Variants in SPIN1 observed in about 807,000 individuals in gnomAD.
SPIN1 encodes spindlin 1.
In SPIN1, 3 loss-of-function variants were observed where a neutral mutation model predicts 26.0. That is an observed-to-expected ratio of 0.12 (90% CI 0.05 to 0.30). The LOEUF is 0.30. Ranked by LOEUF, SPIN1 falls within the 10% of genes least tolerant of loss-of-function variation. SPIN1 has a pLI of 1.00. For synonymous variants in SPIN1, 101 were observed against 116.5 expected, an observed-to-expected ratio of 0.87 and a Z score of 0.86; for missense variants, 126 against 333.4, an observed-to-expected ratio of 0.38 and a Z score of 4.84.
intron 5 of SPIN1, among the ~76,000 whole-genome samples, chr9:88,471,855 C>G (rs753525548): frequency 6.6e-6 from 1 of 151,378 alleles, no homozygotes; most frequent in Non-Finnish European, 1.5e-5. Context: ...TTTTTTGAGA[C>G]AGTCGCACTC....
Position 88,411,194 on chromosome 9 carries a change from A to G in SPIN1, c.-158-15188A>G, listed in dbSNP as rs1827435742. The G allele has an allele frequency of 5.4e-6, 7 of 1,292,758 alleles. No homozygotes were observed. In the East Asian group the frequency reaches 1.4e-4, roughly 25 times the overall value. The allele number at this position is 1,292,758 out of a possible 1,614,324, so 80.1% of individuals were successfully genotyped here. A position where few individuals can be genotyped will look rare whatever the true frequency, so the allele number is the denominator to read the frequency against. On this transcript the variant is annotated intron_variant, in intron 1 of 5. Transcript: ENST00000375859. ...TGGTCTTTAAGAATCTTCTGTTGAG[A>G]CAGCTCTCTTTGGTTCCACAAGTCT...
At chr9:88,435,899 A>G (rs1272253129) in intron 2 of SPIN1, among the ~76,000 whole-genome samples, 2 of 152,034 alleles carry the variant, frequency 1.3e-5, no homozygotes, top group Admixed American at 1.3e-4. Flanking sequence ...CTATGTGTTT[A>G]TGTTGCTTTT....
At chr9:88,470,213 C>G (rs1280622678) in intron 5 of SPIN1, among the ~76,000 whole-genome samples, 1 of 152,192 alleles carries the variant, frequency 6.6e-6, no homozygotes, top group African/African-American at 2.4e-5. Context: ...AGCCATTCAT[C>G]CAGTAAAGCA....
At chr9:88,438,066 A>C (rs192234226) in intron 2 of SPIN1, among the ~76,000 whole-genome samples, 1 of 151,904 alleles carries the variant, frequency 6.6e-6, no homozygotes, top group Admixed American at 6.6e-5. Context: ...AAGGAGAATC[A>C]CTTGAATCTG....
At position 88,424,828 on chromosome 9, in the gene SPIN1, A is replaced by G. The variant is rs1197271865; in HGVS notation, c.-158-1554A>G. Among the ~76,000 whole-genome samples the G allele has an allele frequency of 2.0e-5, 3 of 152,192 alleles. No homozygotes were observed. In the East Asian group the frequency reaches 5.8e-4, roughly 29 times the overall value. On this transcript the variant is annotated intron_variant, in intron 1 of 5. Transcript: ENST00000375859. ...AAGAGCCAGGCGGGAGGTTGAATGGATCATATGTGTGGATGTTGAGGATGT... is the reference window on the plus strand; with the variant it reads ...AAGAGCCAGGCGGGAGGTTGAATGGGTCATATGTGTGGATGTTGAGGATGT...
At chr9:88,429,142 C>T (rs1827816227) in intron 2 of SPIN1, among the ~76,000 whole-genome samples, 1 of 152,142 alleles carries the variant, frequency 6.6e-6, no homozygotes, top group South Asian at 2.1e-4. Context: ...GTTGGGATTA[C>T]ACTTAATGAG....
chr9:88,457,989 T>C, intron 3 of SPIN1: 4 of 985,144 alleles, frequency 4.1e-6, no homozygotes, highest in Middle Eastern at 5.2e-4. Context: ...TTTCTTTTAC[T>C]AAGGATTTTT....
At chr9:88,455,827 A>G (rs1231000094) in intron 3 of SPIN1, among the ~76,000 whole-genome samples, 1 of 152,144 alleles carries the variant, frequency 6.6e-6, no homozygotes, top group Non-Finnish European at 1.5e-5. Context: ...AAAATTAAAC[A>G]TTAGCTAGGC....
chr9:88,422,192 T>A (rs1827682950), intron 1 of SPIN1, among the ~76,000 whole-genome samples: 1 of 152,222 alleles, frequency 6.6e-6, no homozygotes, highest in Non-Finnish European at 1.5e-5. Flanking sequence ...TTGATGGGTC[T>A]CTCTGAATGC....
intron 2 of SPIN1, among the ~76,000 whole-genome samples, chr9:88,427,995 T>C (rs1827795797): frequency 6.6e-6 from 1 of 152,200 alleles, no homozygotes; most frequent in Non-Finnish European, 1.5e-5. Flanking sequence ...AATAGTGTTA[T>C]TATTGATCAT....
rs113104903 is a variant in SPIN1, at chr9:88,396,595, C to G, written c.-159+8057C>G. Among the ~76,000 whole-genome samples the G allele has an allele frequency of 7.1e-3, 1,079 of 152,172 alleles. 11 individuals are homozygous for G. Among genetic ancestry groups the G allele is most frequent in the African/African-American group, 0.024 (1,004 of 41,544 alleles). ...CCAGACTGGGCAACAGAGTGAGACT[C>G]CGTCTCAGAAAACAAAACAGAAAAA... On this transcript the variant is annotated intron_variant, in intron 1 of 5. Transcript: ENST00000375859.
chr9:88,408,376 C>CTTTTTT (rs1177261349), intron 1 of SPIN1, among the ~76,000 whole-genome samples: 6 of 115,430 alleles, frequency 5.2e-5, no homozygotes, highest in East Asian at 2.4e-4. Context: ...TCCTTTTTTT[C>CTTTTTT]TTTTTTTTTT....
At chr9:88,463,699 C>G (rs1195203900) in intron 4 of SPIN1, among the ~76,000 whole-genome samples, 1 of 152,076 alleles carries the variant, frequency 6.6e-6, no homozygotes, top group African/African-American at 2.4e-5. Flanking sequence ...ATGCTAAATC[C>G]TTGCTCATCT....
At chr9:88,397,736 CTCAG>C (rs904778696) in intron 1 of SPIN1, among the ~76,000 whole-genome samples, 7 of 152,056 alleles carry the variant, frequency 4.6e-5, no homozygotes, top group Admixed American at 2.6e-4. Flanking sequence ...ATTCTCACTC[CTCAG>C]TCTCCCAAGT....
chr9:88,448,419 A>G (rs192681585), intron 2 of SPIN1, among the ~76,000 whole-genome samples: 1 of 151,650 alleles, frequency 6.6e-6, no homozygotes. Flanking sequence ...TGGCACAAAC[A>G]CAGCTCACTG....
At position 88,410,437 on chromosome 9, in the gene SPIN1, A is replaced by C. The variant is rs548687504; in HGVS notation, c.-158-15945A>C. 1.9e-4 allele frequency: 122 copies of C among 643,454 alleles called. No individual in the cohort carries two copies. The African/African-American group carries it at 2.0e-3, about 11-fold the overall frequency. 39.9% of individuals were successfully genotyped at this position (643,454 alleles called of 1,614,324 possible). On this transcript the variant is annotated intron_variant, in intron 1 of 5. Coordinates refer to ENST00000375859, the MANE Select transcript of SPIN1 (RefSeq NM_006717.3). ...TTTGTAGCATCTAGGCCCTGCCACC[A>C]CTGTGCTTGGCTGAATTCACAAATC...
chr9:88,425,695 A>G (rs941038127), intron 1 of SPIN1, among the ~76,000 whole-genome samples: 2 of 151,582 alleles, frequency 1.3e-5, no homozygotes, highest in Non-Finnish European at 2.9e-5. Flanking sequence ...AAAAAGATAC[A>G]CTACTTCCAT....
chr9:88,465,528 G>T (rs1409549635), intron 4 of SPIN1, among the ~76,000 whole-genome samples: 1 of 152,050 alleles, frequency 6.6e-6, no homozygotes, highest in Admixed American at 6.5e-5. Flanking sequence ...GTTTTGATTT[G>T]CATTTCTCTG....
chr9:88,432,072 G>A (rs546447209), intron 2 of SPIN1, among the ~76,000 whole-genome samples: 1 of 152,108 alleles, frequency 6.6e-6, no homozygotes, highest in South Asian at 2.1e-4. Context: ...GGAATATTAT[G>A]TTTCTTCTTT....
Sources: gnomAD v4.1 joint callset for allele counts (sites outside exome capture counted in the v4.1 genomes callset) on GRCh38, gnomAD v4.1.1 for gene constraint, MANE v1.5 for transcripts, NCBI Gene and HGNC (gene_info 2026-07-23, HGNC 2026-07-21) for gene names.